Variants in DOCK8 observed in about 807,000 individuals in gnomAD.
DOCK8 encodes dedicator of cytokinesis 8.
DOCK8 carries 141 observed loss-of-function variants against 245.6 expected under a neutral mutation model. The ratio of observed to expected loss-of-function variants is 0.57; its 90% CI spans 0.50 to 0.66. The LOEUF is 0.66. Ranked by LOEUF, DOCK8 falls within the 30% of genes least tolerant of loss-of-function variation. The pLI is 0.00. For synonymous variants in DOCK8, 1,168 were observed against 970.2 expected (o/e 1.20, Z -3.79); for missense variants, 2,965 against 2,603.4 (o/e 1.14, Z -3.02).
intron 4 of DOCK8, among the ~76,000 whole-genome samples, chr9:294,462 TC>T (rs2049172524): frequency 6.6e-6 from 1 of 152,244 alleles, no homozygotes; most frequent in Non-Finnish European, 1.5e-5. Context: ...AAATTTCAGT[TC>T]CTCCAGTCTT....
intron 1 of DOCK8, among the ~76,000 whole-genome samples, chr9:223,769 G>GT (rs5895835): frequency 9.3e-4 from 137 of 147,350 alleles, no homozygotes; most frequent in Middle Eastern, 3.5e-3. Flanking sequence ...TGCTTTAGTT[G>GT]TTTTTTTTTT....
chr9:237,227 C>T (rs1047691754), intron 1 of DOCK8, among the ~76,000 whole-genome samples: 10 of 152,188 alleles, frequency 6.6e-5, no homozygotes, highest in African/African-American at 2.4e-4. Context: ...GTGGGAGCTG[C>T]AAGGAAAGCA....
chr9:334,899 T>C (rs1208549631), intron 11 of DOCK8, among the ~76,000 whole-genome samples: 2 of 152,046 alleles, frequency 1.3e-5, no homozygotes, highest in Non-Finnish European at 2.9e-5. Flanking sequence ...CTGGCCAACA[T>C]GGTAAAACCC....
At chr9:382,383 A>G (rs1023105564) in intron 21 of DOCK8, 130 bp from the exon 22 acceptor site, 21 of 1,290,352 alleles carry the variant, frequency 1.6e-5, no homozygotes, top group Non-Finnish European at 2.1e-5. Context: ...GGATTTGTTA[A>G]GAAGTCTCTA....
At chr9:363,376 C>A (rs754542) in intron 14 of DOCK8, among the ~76,000 whole-genome samples, 1 of 152,106 alleles carries the variant, frequency 6.6e-6, no homozygotes, top group African/African-American at 2.4e-5. Flanking sequence ...AGTATGAGAC[C>A]CTTAATTTAT....
intron 3 of DOCK8, among the ~76,000 whole-genome samples, chr9:287,583 T>C (rs1025996759): frequency 6.6e-6 from 1 of 152,238 alleles, no homozygotes; most frequent in South Asian, 2.1e-4. Flanking sequence ...TGGATGATAA[T>C]GGGCTGGTAT....
chr9:318,997 T>A (rs956491112), intron 7 of DOCK8, among the ~76,000 whole-genome samples: 1 of 152,120 alleles, frequency 6.6e-6, no homozygotes, highest in Non-Finnish European at 1.5e-5. Flanking sequence ...TGTGTTATTT[T>A]AAAAAAATGT....
chr9:432,093 A>G (rs1465826667), intron 36 of DOCK8, 73 bp from the exon 37 acceptor site: 4 of 1,527,852 alleles, frequency 2.6e-6, no homozygotes, highest in Admixed American at 1.8e-5. Context: ...GTGTCTGGCC[A>G]TGCTGCTTTC....
intron 7 of DOCK8, among the ~76,000 whole-genome samples, chr9:319,660 C>T (rs1198582071): frequency 6.6e-6 from 1 of 151,898 alleles, no homozygotes; most frequent in Non-Finnish European, 1.5e-5. Context: ...GTTTTAGCCC[C>T]TGAGGAATTT....
chr9:225,544 G>T (rs532531329), intron 1 of DOCK8, among the ~76,000 whole-genome samples: 39 of 152,152 alleles, frequency 2.6e-4, no homozygotes, highest in Non-Finnish European at 5.1e-4. Context: ...CTGGATGTGG[G>T]AAGCAACTAC....
rs553831804 is a variant in DOCK8, at chr9:382,537, C to G, written c.2630C>G (p.Pro877Arg). Reference sequence around the variant, plus strand: ...GGCGCTCCCACTGCCCTCCTAGACCCTCGGAGCTACCACACGTATGGCCGC... The same window carrying G: ...GGCGCTCCCACTGCCCTCCTAGACCGTCGGAGCTACCACACGTATGGCCGC... ...KSGAPTALLD[P>R]RSYHTYGRTS... is the part of the protein sequence containing the mutation. Residue 877 changes from proline to arginine, a missense_variant, in exon 22 of 48, where the codon CCT becomes CGT. Transcript: ENST00000432829. 2 of 1,613,956 alleles carry G rather than the reference C, an allele frequency of 1.2e-6. No individual in the cohort carries two copies. The highest frequency in any genetic ancestry group is 4.5e-5 in the East Asian group (2 of 44,890).
intron 46 of DOCK8, among the ~76,000 whole-genome samples, chr9:457,915 G>T (rs760713841): frequency 6.6e-6 from 1 of 152,150 alleles, no homozygotes; most frequent in Non-Finnish European, 1.5e-5. Flanking sequence ...CACAGATGAA[G>T]AAACTATGAC....
At chr9:288,494 TAC>T (rs2048913674) in intron 3 of DOCK8, among the ~76,000 whole-genome samples, 1 of 152,244 alleles carries the variant, frequency 6.6e-6, no homozygotes, top group Non-Finnish European at 1.5e-5. Flanking sequence ...ACTGAATTAA[TAC>T]ATATAAAGTG....
chr9:382,364 C>T (rs771577803), intron 21 of DOCK8, 149 bp from the exon 22 acceptor site: 3 of 1,111,604 alleles, frequency 2.7e-6, no homozygotes, highest in Non-Finnish European at 4.0e-6. Context: ...TTGCCTCCTA[C>T]CCCAACCAGG....
chr9:422,182 C>G, intron 33 of DOCK8, 47 bp downstream of exon 33: 6 of 1,522,700 alleles, frequency 3.9e-6, no homozygotes, highest in Non-Finnish European at 5.5e-6. Context: ...AAGTCCAAAA[C>G]TATTTTTCCC....
chr9:286,760 G>A, intron 3 of DOCK8, 124 bp downstream of exon 3: 1 of 915,466 alleles, frequency 1.1e-6, no homozygotes, highest in South Asian at 1.4e-5. Flanking sequence ...CCATTCAAAT[G>A]TGTGGGACAG....
At chr9:401,056 CATCATTGT>C in intron 26 of DOCK8, among the ~76,000 whole-genome samples, 1 of 109,966 alleles carries the variant, frequency 9.1e-6, no homozygotes, top group Non-Finnish European at 1.7e-5. Context: ...CTTCCACCAT[CATCATTGT>C]CACCATCATC....
chr9:316,905 A>C (rs965745457), intron 6 of DOCK8, 138 bp from the exon 7 acceptor site: 2 of 712,214 alleles, frequency 2.8e-6, no homozygotes, highest in Non-Finnish European at 5.1e-6. Context: ...CTTTCTTATA[A>C]AAGGCAGAGT....
In DOCK8 at chr9:214,945, G is replaced by T. The variant is rs746689422; in HGVS notation, c.-32G>T. 1 of 1,603,662 alleles carries T rather than the reference G, an allele frequency of 6.2e-7. No homozygotes were observed. Among genetic ancestry groups the T allele is most frequent in the African/African-American group, 1.4e-5 (1 of 73,666 alleles). On this transcript the variant is annotated 5_prime_UTR_variant, in exon 1 of 48. Transcript: ENST00000432829. ...CAGGCCCCCGCTTTCCGCACCCCGC[G>T]ACCCTAGAAGCCACCGAACCGCCGG...
Sources: gnomAD v4.1 joint callset for allele counts (sites outside exome capture counted in the v4.1 genomes callset) on GRCh38, gnomAD v4.1.1 for gene constraint, MANE v1.5 for transcripts, NCBI Gene and HGNC (gene_info 2026-07-23, HGNC 2026-07-21) for gene names.